Variants in UMAD1 observed in about 807,000 individuals in gnomAD.
UMAD1 encodes UBAP1-MVB12-associated (UMA)-domain containing protein 1.
In UMAD1, 8 loss-of-function variants were observed where a neutral mutation model predicts 6.1. The ratio of observed to expected loss-of-function variants is 1.30; its 90% CI spans 0.76 to 2.35. The LOEUF (loss-of-function observed/expected upper bound fraction) is 2.35, where lower values mean the gene tolerates loss of function less well. UMAD1 is among the 30% of genes most tolerant of loss of function. The pLI is 0.00. For synonymous variants in UMAD1, 56 were observed against 31.4 expected, an observed-to-expected ratio of 1.78 and a Z score of -2.61; for missense variants, 130 against 78.4, an observed-to-expected ratio of 1.66 and a Z score of -2.49.
intron 3 of UMAD1, among the ~76,000 whole-genome samples, chr7:7,839,511 T>A (rs946033250): frequency 6.6e-6 from 1 of 152,228 alleles, no homozygotes; most frequent in African/African-American, 2.4e-5. Context: ...TGAGCCTTTT[T>A]ACTCTTGCTG....
At chr7:7,797,124 T>TA (rs1487492956) in intron 2 of UMAD1, among the ~76,000 whole-genome samples, 2 of 152,088 alleles carry the variant, frequency 1.3e-5, no homozygotes, top group Non-Finnish European at 2.9e-5. Flanking sequence ...CCAGGAAGCT[T>TA]ACAATCATGG....
chr7:7,671,132 G>A (rs994913579), intron 1 of UMAD1, among the ~76,000 whole-genome samples: 2 of 152,182 alleles, frequency 1.3e-5, no homozygotes, highest in African/African-American at 4.8e-5. Flanking sequence ...TCTTTGAATT[G>A]AGACCAGATT....
intron 2 of UMAD1, among the ~76,000 whole-genome samples, chr7:7,768,004 C>A (rs1782023400): frequency 6.6e-6 from 1 of 152,074 alleles, no homozygotes; most frequent in African/African-American, 2.4e-5. Flanking sequence ...ACTGGTTTTT[C>A]TATTATGACT....
intron 2 of UMAD1, among the ~76,000 whole-genome samples, chr7:7,755,255 T>C (rs1781755665): frequency 6.6e-6 from 1 of 152,220 alleles, no homozygotes; most frequent in Admixed American, 6.5e-5. Flanking sequence ...GTTTAGTGTC[T>C]CATTTATTTT....
At chr7:7,723,329 C>A (rs1187458829) in intron 2 of UMAD1, among the ~76,000 whole-genome samples, 2 of 151,988 alleles carry the variant, frequency 1.3e-5, no homozygotes, top group African/African-American at 2.4e-5. Flanking sequence ...TGATTTGGGC[C>A]CACTAAGTAG....
chr7:7,829,215 A>G (rs917486395), intron 3 of UMAD1, among the ~76,000 whole-genome samples: 1 of 152,250 alleles, frequency 6.6e-6, no homozygotes, highest in Non-Finnish European at 1.5e-5. Flanking sequence ...TTTAGGAAAT[A>G]GATCTTTCCT....
At chr7:7,654,802 G>A (rs187430836) in intron 1 of UMAD1, among the ~76,000 whole-genome samples, 1 of 151,750 alleles carries the variant, frequency 6.6e-6, no homozygotes, top group South Asian at 2.1e-4. Flanking sequence ...TACTCTGGAG[G>A]CTGAGGCAGG....
At chr7:7,649,453 C>T (rs1255817801) in intron 1 of UMAD1, among the ~76,000 whole-genome samples, 1 of 152,180 alleles carries the variant, frequency 6.6e-6, no homozygotes, top group African/African-American at 2.4e-5. Context: ...TAGGTCCCAG[C>T]TCTCAACACT....
intron 3 of UMAD1, among the ~76,000 whole-genome samples, chr7:7,837,771 A>G (rs1289312027): frequency 6.6e-6 from 1 of 152,170 alleles, no homozygotes; most frequent in East Asian, 1.9e-4. Context: ...TAAAAAGCAC[A>G]GTTTATTAGA....
intron 2 of UMAD1, among the ~76,000 whole-genome samples, chr7:7,742,862 G>T (rs1415350241): frequency 6.6e-6 from 1 of 152,060 alleles, no homozygotes; most frequent in Non-Finnish European, 1.5e-5. Context: ...TAATAGACTT[G>T]CTTTAAACTA....
In UMAD1 at chr7:7,878,882, G is replaced by T. The variant is rs547799322; in HGVS notation, c.*1344G>T. The T allele has an allele frequency of 2.0e-5, 3 of 152,242 alleles. No individual in the cohort carries two copies. The highest frequency in any genetic ancestry group is 4.1e-4 in the South Asian group (2 of 4,820). The allele number at this position is 152,242 out of a possible 1,614,324, so 9.4% of individuals were successfully genotyped here. A position where few individuals can be genotyped will look rare whatever the true frequency, so the allele number is the denominator to read the frequency against. On this transcript the variant is annotated 3_prime_UTR_variant, in exon 4 of 4. Coordinates refer to ENST00000682710, the MANE Select transcript of UMAD1 (RefSeq NM_001302348.2). Reference sequence around the variant, plus strand: ...CATTTACATATAATGTTACCATATGGTGTTAATGATTAAATTAGATCTTTA... The same window carrying T: ...CATTTACATATAATGTTACCATATGTTGTTAATGATTAAATTAGATCTTTA...
intron 1 of UMAD1, among the ~76,000 whole-genome samples, chr7:7,670,503 C>T (rs973487192): frequency 5.3e-5 from 8 of 152,148 alleles, no homozygotes; most frequent in Non-Finnish European, 7.4e-5. Flanking sequence ...CCTAACGATT[C>T]GGTGGTTCTC....
At chr7:7,828,200 T>C (rs1362528506) in intron 3 of UMAD1, among the ~76,000 whole-genome samples, 3 of 152,308 alleles carry the variant, frequency 2.0e-5, no homozygotes, top group Admixed American at 1.3e-4. Context: ...TGTTTGATAG[T>C]CGCTGGTTGG....
chr7:7,744,015 A>C (rs183521119), intron 2 of UMAD1, among the ~76,000 whole-genome samples: 16 of 152,236 alleles, frequency 1.1e-4, no homozygotes, highest in Admixed American at 3.3e-4. Flanking sequence ...ACCATAGTTA[A>C]TTTTAGAACA....
intron 2 of UMAD1, among the ~76,000 whole-genome samples, chr7:7,719,098 T>C (rs928241345): frequency 6.6e-6 from 1 of 152,012 alleles, no homozygotes; most frequent in Non-Finnish European, 1.5e-5. Context: ...ACTGTTTTTT[T>C]CTGCATTTTT....
At chr7:7,863,557 G>A (rs199898536) in intron 3 of UMAD1, among the ~76,000 whole-genome samples, 4 of 151,966 alleles carry the variant, frequency 2.6e-5, no homozygotes, top group East Asian at 1.9e-4. Flanking sequence ...GCTTTACTTC[G>A]GTTTTTGTTT....
At chr7:7,796,758 A>G (rs1782692046) in intron 2 of UMAD1, among the ~76,000 whole-genome samples, 1 of 152,090 alleles carries the variant, frequency 6.6e-6, no homozygotes, top group African/African-American at 2.4e-5. Context: ...CCACAGAGGA[A>G]CCAAATCAGC....
chr7:7,767,247 C>T (rs989875177), intron 2 of UMAD1, among the ~76,000 whole-genome samples: 4 of 151,672 alleles, frequency 2.6e-5, no homozygotes. Flanking sequence ...GCCTCAGCCT[C>T]CTGAGTAGCT....
intron 2 of UMAD1, among the ~76,000 whole-genome samples, chr7:7,725,090 T>A (rs1027149973): frequency 5.9e-5 from 9 of 152,200 alleles, no homozygotes; most frequent in African/African-American, 2.2e-4. Flanking sequence ...TCAGTAAAAT[T>A]TCTAGGCGTC....
Sources: gnomAD v4.1 joint callset for allele counts (sites outside exome capture counted in the v4.1 genomes callset) on GRCh38, gnomAD v4.1.1 for gene constraint, MANE v1.5 for transcripts, NCBI Gene and HGNC (gene_info 2026-07-23, HGNC 2026-07-21) for gene names.